The following ARID4B variants were observed in gnomAD, a reference collection of about 807,000 sequenced individuals.
ARID4B encodes the protein AT-rich interaction domain 4B.
A neutral mutation model predicts 147.5 loss-of-function variants in ARID4B; 26 were observed. That is an observed-to-expected ratio of 0.18 (90% CI 0.13 to 0.24). The LOEUF (loss-of-function observed/expected upper bound fraction) is 0.24. Ranked by LOEUF, ARID4B falls within the 10% of genes least tolerant of loss-of-function variation. ARID4B has a pLI of 1.00. For synonymous variants in ARID4B, 512 were observed against 507.9 expected (o/e 1.01, Z -0.11); for missense variants, 1,179 against 1,511.5 (o/e 0.78, Z 3.65).
intron 22 of ARID4B, among the ~76,000 whole-genome samples, chr1:235,174,648 A>C (rs1264607980): frequency 6.6e-6 from 1 of 151,760 alleles, no homozygotes; most frequent in African/African-American, 2.4e-5. Flanking sequence ...TAAAAATACA[A>C]CAACAACAAA....
intron 18 of ARID4B, among the ~76,000 whole-genome samples, chr1:235,194,640 G>A (rs1186583651): frequency 6.6e-6 from 1 of 152,078 alleles, no homozygotes; most frequent in East Asian, 1.9e-4. Context: ...GACCAACATG[G>A]AGAAACCCCG....
intron 20 of ARID4B, 145 bp from the exon 21 acceptor site, chr1:235,178,058 T>C (rs917516224): frequency 1.3e-5 from 6 of 472,008 alleles, no homozygotes; most frequent in African/African-American, 2.0e-5. Flanking sequence ...CTTACTACAA[T>C]TTTTAAATAA....
intron 2 of ARID4B, among the ~76,000 whole-genome samples, chr1:235,266,586 T>G (rs772588109): frequency 6.6e-6 from 1 of 152,180 alleles, no homozygotes; most frequent in Non-Finnish European, 1.5e-5. Context: ...AAGTGGCACC[T>G]AAAAAACACT....
intron 17 of ARID4B, among the ~76,000 whole-genome samples, chr1:235,211,897 G>T (rs1478326090): frequency 6.6e-6 from 1 of 152,250 alleles, no homozygotes; most frequent in African/African-American, 2.4e-5. Context: ...CTATATCTGA[G>T]ATCTCAAGTA....
intron 2 of ARID4B, among the ~76,000 whole-genome samples, chr1:235,318,336 C>T (rs1301601032): frequency 6.6e-6 from 1 of 151,858 alleles, no homozygotes. Context: ...CCACCACACC[C>T]GGCTAATTTT....
rs74600871 is a variant in ARID4B at position 235,245,868 on chromosome 1, G to A, written c.446+552C>T. Among the ~76,000 whole-genome samples the A allele has an allele frequency of 8.9e-3, 1,358 of 152,256 alleles. 21 individuals are homozygous for A. The highest frequency in any genetic ancestry group is 0.031 in the African/African-American group (1,308 of 41,536). On this transcript the variant is annotated intron_variant, in intron 7 of 23. Coordinates refer to ENST00000264183, the MANE Select transcript of ARID4B (RefSeq NM_016374.6). ...AGGAAGTGAGGTATGAAAAGATTAA[G>A]TAACCATCCCAAGATCACACAGCAA...
At chr1:235,316,458 A>G (rs1454549545) in intron 2 of ARID4B, among the ~76,000 whole-genome samples, 1 of 152,092 alleles carries the variant, frequency 6.6e-6, no homozygotes, top group Admixed American at 6.6e-5. Flanking sequence ...GCAGTAAGCC[A>G]AGATCGCACT....
chr1:235,309,195 T>A (rs1170765538), intron 2 of ARID4B, among the ~76,000 whole-genome samples: 1 of 149,226 alleles, frequency 6.7e-6, no homozygotes, highest in South Asian at 2.1e-4. Flanking sequence ...GGAGCGTCTC[T>A]GCCCGGCCGC....
intron 19 of ARID4B, among the ~76,000 whole-genome samples, chr1:235,190,942 A>C (rs968202126): frequency 3.9e-5 from 6 of 152,338 alleles, no homozygotes; most frequent in Admixed American, 6.5e-5. Flanking sequence ...TATTATCATT[A>C]AGCTACCTGC....
intron 2 of ARID4B, among the ~76,000 whole-genome samples, chr1:235,319,914 G>A (rs986157831): frequency 1.3e-5 from 2 of 151,922 alleles, no homozygotes; most frequent in Admixed American, 6.6e-5. Flanking sequence ...GGATAACAAG[G>A]TCAGGAGTTT....
chr1:235,190,919 T>A (rs547529703), intron 19 of ARID4B, among the ~76,000 whole-genome samples: 2 of 152,334 alleles, frequency 1.3e-5, no homozygotes, highest in South Asian at 4.1e-4. Context: ...CCAAAGAAAG[T>A]CATACTGCAG....
rs1264196304 is a variant in ARID4B, at chr1:235,255,220, T to TATATATATATAGAGAGAGAGAG, written c.274+439_274+440insCTCTCTCTCTCTATATATATAT. Among the ~76,000 whole-genome samples the TATATATATATAGAGAGAGAGAG allele has an allele frequency of 4.1e-3, 253 of 62,376 alleles. 1 individual carries two copies. Among genetic ancestry groups the TATATATATATAGAGAGAGAGAG allele is most frequent in the Admixed American group, 8.4e-3 (47 of 5,598 alleles). 40.9% of individuals were successfully genotyped at this position (62,376 alleles called of 152,430 possible). On this transcript the variant is annotated intron_variant, in intron 5 of 23. Transcript: ENST00000264183. ...TACTACTTTGTTTCCTGCTGGGAGCTAGATAGATAGATAGATAGATAGATA... is the reference window on the plus strand; with the variant it reads ...TACTACTTTGTTTCCTGCTGGGAGCTATATATATATAGAGAGAGAGAGAGATAGATAGATAGATAGATAGATA...
At chr1:235,185,196 T>C (rs1276678688) in intron 19 of ARID4B, among the ~76,000 whole-genome samples, 1 of 152,150 alleles carries the variant, frequency 6.6e-6, no homozygotes, top group Non-Finnish European at 1.5e-5. Flanking sequence ...CCCTCTACCA[T>C]CCTTTCTATA....
chr1:235,188,777 G>C (rs540206923), intron 19 of ARID4B, among the ~76,000 whole-genome samples: 4 of 152,188 alleles, frequency 2.6e-5, no homozygotes, highest in African/African-American at 7.2e-5. Context: ...TTCATATTAT[G>C]AATTCCCTAG....
At chr1:235,265,722 G>A (rs1031247176) in intron 2 of ARID4B, among the ~76,000 whole-genome samples, 1 of 151,700 alleles carries the variant, frequency 6.6e-6, no homozygotes, top group East Asian at 1.9e-4. Context: ...GAAAAAAAAG[G>A]GTATATGTTC....
intron 9 of ARID4B, among the ~76,000 whole-genome samples, chr1:235,233,523 G>C (rs376925155): frequency 2.6e-5 from 4 of 151,982 alleles, no homozygotes; most frequent in Admixed American, 2.0e-4. Flanking sequence ...AAAACATGAT[G>C]ACCTTTTTAA....
At chr1:235,231,874 A>G (rs1173842373) in intron 9 of ARID4B, among the ~76,000 whole-genome samples, 3 of 152,212 alleles carry the variant, frequency 2.0e-5, no homozygotes, top group Non-Finnish European at 2.9e-5. Context: ...TTGGGAGGTC[A>G]AGGTGGGAGG....
At chr1:235,327,039 A>T in intron 1 of ARID4B, 71 bp from the exon 2 acceptor site, 2 of 1,104,202 alleles carry the variant, frequency 1.8e-6, no homozygotes, top group South Asian at 1.3e-5. Context: ...GCGGAGGGAA[A>T]GAAGCGAGCG....
intron 6 of ARID4B, among the ~76,000 whole-genome samples, chr1:235,250,362 A>C (rs1424323587): frequency 1.3e-5 from 2 of 152,206 alleles, no homozygotes; most frequent in African/African-American, 4.8e-5. Flanking sequence ...TTTTAAAACA[A>C]TATGAAAAAT....
Sources: allele counts gnomAD v4.1 joint callset (sites outside exome capture counted in the v4.1 genomes callset), GRCh38; gene constraint gnomAD v4.1.1; transcripts MANE v1.5; gene names NCBI Gene and HGNC (gene_info 2026-07-23, HGNC 2026-07-21).